Variants in CLASRP observed in about 807,000 individuals in gnomAD.
CLASRP encodes the protein CLK4 associating serine/arginine rich protein.
Under a neutral mutation model 99.9 loss-of-function variants are expected in CLASRP, and 52 were observed. The observed-to-expected ratio is 0.52, with a 90% CI of 0.42 to 0.66. The LOEUF is 0.66. CLASRP is among the 30% of genes least tolerant of loss of function. The probability of loss-of-function intolerance (pLI) is 0.00; values close to 1 mark genes in which losing one functional copy is unlikely to be tolerated. For missense variants in CLASRP, 848 were observed against 999.2 expected, an observed-to-expected ratio of 0.85 and a Z score of 2.04; for synonymous variants, 379 against 373.0, an observed-to-expected ratio of 1.02 and a Z score of -0.18.
chr19:45,064,087 G>C lies in CLASRP; in HGVS notation c.981G>C (p.Thr327=). 1 of 1,610,810 alleles carries C rather than the reference G, an allele frequency of 6.2e-7. No individual in the cohort carries two copies. Among genetic ancestry groups the C allele is most frequent in the Non-Finnish European group, 8.5e-7 (1 of 1,179,168 alleles). Residue 327 remains threonine (T), a synonymous_variant, in exon 12 of 21, where the codon ACG becomes ACC. Coordinates refer to ENST00000221455, the MANE Select transcript of CLASRP (RefSeq NM_007056.3). ...CCCCGGGCCGCGAGGAGAAGATCAC[G>C]TTCATCACCAGTTTTGGGGGCAGCG... ...SPTPGREEKI[T]FITSFGGSDE...
chr19:45,042,345 G>T (rs1409152170), intron 2 of CLASRP, among the ~76,000 whole-genome samples: 1 of 151,990 alleles, frequency 6.6e-6, no homozygotes, highest in Non-Finnish European at 1.5e-5. Flanking sequence ...AGCCAGGACT[G>T]GAGGCCAGCA....
chr19:45,069,533 G>A, intron 18 of CLASRP: 1 of 570,978 alleles, frequency 1.8e-6, no homozygotes, highest in Non-Finnish European at 3.1e-6. Context: ...AGCTGTTCCT[G>A]ATACCCCTTC....
chr19:45,056,888 G>T (rs147561042), intron 6 of CLASRP, among the ~76,000 whole-genome samples: 3 of 152,312 alleles, frequency 2.0e-5, no homozygotes, highest in African/African-American at 7.2e-5. Flanking sequence ...ACTGCCTGGA[G>T]TTGGGAGGCA....
intron 2 of CLASRP, among the ~76,000 whole-genome samples, chr19:45,051,103 C>G (rs1232846089): frequency 6.6e-6 from 1 of 152,030 alleles, no homozygotes; most frequent in African/African-American, 2.4e-5. Context: ...TGGCATTTCC[C>G]TGATGGCTAA....
At chr19:45,051,750 C>T (rs1434826019) in intron 2 of CLASRP, among the ~76,000 whole-genome samples, 1 of 151,894 alleles carries the variant, frequency 6.6e-6, no homozygotes, top group East Asian at 1.9e-4. Flanking sequence ...GGGTGGATCA[C>T]GAGGTAAGGA....
chr19:45,056,484 T>C lies in CLASRP; in HGVS notation c.414T>C (p.Ile138=). The C allele has an allele frequency of 6.2e-7, 1 of 1,613,962 alleles. No individual in the cohort carries two copies. The highest frequency in any genetic ancestry group is 8.5e-7 in the Non-Finnish European group (1 of 1,179,984). ...AGCAGTGCCTGTACCAGATCTACAT[T>C]GATGAGTTGTACGGAGGCCTCCAGA... The part of the protein sequence containing the change: ...SEEQCLYQIY[I]DELYGGLQRP... Residue 138 remains isoleucine (I), a synonymous_variant, in exon 6 of 21, where the codon ATT becomes ATC. Transcript: ENST00000221455.
intron 18 of CLASRP, 131 bp from the exon 19 acceptor site, chr19:45,069,891 C>T (rs1424021542): frequency 5.8e-5 from 35 of 607,008 alleles, no homozygotes; most frequent in South Asian, 1.4e-4. Flanking sequence ...CCTTTCCAAG[C>T]GGGGATTGGT....
In CLASRP at chr19:45,068,498, C is replaced by T. The variant is rs761343842; in HGVS notation, c.1768+18C>T. ...CAGGCAGTGTATGTTCTGCCCTGTC[C>T]CTCCAGGGTTTCACAGCTCTTCTTT... On this transcript the variant is annotated intron_variant, in intron 16 of 20. Transcript: ENST00000221455. 5.0e-6 allele frequency: 8 copies of T among 1,590,370 alleles called. No homozygotes were observed. Among genetic ancestry groups the T allele is most frequent in the Non-Finnish European group, 6.9e-6 (8 of 1,158,566 alleles).
chr19:45,040,379 A>G (rs1971789119), intron 2 of CLASRP, 68 bp downstream of exon 2: 2 of 1,092,914 alleles, frequency 1.8e-6, no homozygotes, highest in African/African-American at 1.5e-5. Flanking sequence ...TCATCCTGGT[A>G]AAATCTGGGC....
Position 45,067,883 on chromosome 19 carries a change from T to A in CLASRP, c.1668-132T>A. The stretch of plus-strand genomic sequence containing the variant: ...GGTTCTGTGGGGTCTGAGAGGGACA[T>A]GGTTGCACCCTGGGGCATCTGAGGC... On this transcript the variant is annotated intron_variant, in intron 14 of 20. Coordinates refer to ENST00000221455, the MANE Select transcript of CLASRP (RefSeq NM_007056.3). This position sits in a 1 kb window ranked among gnomAD's most constrained non-coding sequence, Gnocchi z 4.9. The A allele has an allele frequency of 1.3e-6, 1 of 741,424 alleles. No homozygotes were observed. The highest frequency in any genetic ancestry group is 1.5e-5 in the South Asian group (1 of 65,574). 45.9% of individuals were successfully genotyped at this position (741,424 alleles called of 1,614,324 possible).
chr19:45,070,304 T>TACACACACACACAC (rs147314692), intron 19 of CLASRP, among the ~76,000 whole-genome samples, 200 bp downstream of exon 19: 1 of 150,718 alleles, frequency 6.6e-6, no homozygotes, highest in African/African-American at 2.4e-5. Context: ...CACACATACG[T>TACACACACACACAC]ACACACACAC....
intron 2 of CLASRP, among the ~76,000 whole-genome samples, chr19:45,048,525 C>T (rs1190508139): frequency 1.3e-5 from 2 of 150,750 alleles, no homozygotes; most frequent in East Asian, 2.0e-4. Flanking sequence ...AAACTCTTGT[C>T]TCAAAACAGA....
At chr19:45,050,976 C>T (rs984144433) in intron 2 of CLASRP, among the ~76,000 whole-genome samples, 15 of 152,050 alleles carry the variant, frequency 9.9e-5, no homozygotes, top group Non-Finnish European at 1.8e-4. Context: ...GCCTCGGCCT[C>T]CCAAAGTGCT....
At chr19:45,061,052 T>C (rs1285488595) in intron 10 of CLASRP, among the ~76,000 whole-genome samples, 1 of 152,108 alleles carries the variant, frequency 6.6e-6, no homozygotes, top group African/African-American at 2.4e-5. Flanking sequence ...ATCACCTACC[T>C]GGAGAGAGGG....
At chr19:45,042,988 T>C (rs1462636084) in intron 2 of CLASRP, among the ~76,000 whole-genome samples, 2 of 152,186 alleles carry the variant, frequency 1.3e-5, no homozygotes, top group Non-Finnish European at 2.9e-5. Context: ...CACATATAAG[T>C]ACTTTACACA....
rs941596803 is a variant in CLASRP, at chr19:45,067,782, C to T, written c.1667+188C>T. ...GCCTGGGGGGTCTGAGGAGGACACA[C>T]CAAATCCTGGAGGATCTGCACAATT... On this transcript the variant is annotated intron_variant, in intron 14 of 20. Transcript: ENST00000221455. The surrounding 1 kb of genome is among the most constrained non-coding windows in gnomAD (Gnocchi z 4.9). Among the ~76,000 whole-genome samples the T allele has an allele frequency of 6.6e-6, 1 of 152,050 alleles. No homozygotes were observed. The highest frequency in any genetic ancestry group is 6.6e-5 in the Admixed American group (1 of 15,254).
Position 45,067,061 on chromosome 19 carries a change from C to G in CLASRP, c.1410-276C>G, listed in dbSNP as rs1170712519. Among the ~76,000 whole-genome samples the G allele has an allele frequency of 6.6e-6, 1 of 152,108 alleles. No homozygotes were observed. The highest frequency in any genetic ancestry group is 1.5e-5 in the Non-Finnish European group (1 of 68,022). ...GCTCACCTCCCGGGAAGTTAGCAAG[C>G]GGGTGTCTAGTGAGGGAGAGGTGAC... is the stretch of plus-strand genomic sequence containing the variant. On this transcript the variant is annotated intron_variant, in intron 13 of 20. Transcript: ENST00000221455. The surrounding 1 kb of genome is among the most constrained non-coding windows in gnomAD (Gnocchi z 4.9).
At chr19:45,070,407 G>A (rs1967211582) in intron 19 of CLASRP, 130 bp from the exon 20 acceptor site, 1 of 833,380 alleles carries the variant, frequency 1.2e-6, no homozygotes, top group Admixed American at 1.7e-5. Flanking sequence ...GCAGCCACTG[G>A]ACTCTCTGGA....
At position 45,070,921 on chromosome 19, in the gene CLASRP, A is replaced by G; in HGVS notation, c.*76A>G. 2 of 893,296 alleles carry G rather than the reference A, an allele frequency of 2.2e-6. 1 individual carries two copies. The highest frequency in any genetic ancestry group is 4.6e-4 in the Middle Eastern group (2 of 4,350). 55.3% of individuals were successfully genotyped at this position (893,296 alleles called of 1,614,324 possible). ...CTGTGATGCTGCTGGTTTTATCTCT[A>G]GTGAAATAAAGTCAAAAGTTATTTA... On this transcript the variant is annotated 3_prime_UTR_variant, in exon 21 of 21. Transcript: ENST00000221455.
Sources: gnomAD v4.1 joint callset for allele counts (sites outside exome capture counted in the v4.1 genomes callset) on GRCh38, gnomAD v4.1.1 for gene constraint, Gnocchi (gnomAD v3.1) non-coding constraint, MANE v1.5 for transcripts, NCBI Gene and HGNC (gene_info 2026-07-23, HGNC 2026-07-21) for gene names.